Variants in CA10 observed in about 807,000 individuals in gnomAD.
CA10 encodes carbonic anhydrase 10 (inactive), also known as carbonic anhydrase-related protein 10.
CA10 carries 14 observed loss-of-function variants against 44.2 expected under a neutral mutation model. The observed-to-expected ratio is 0.32, with a 90% CI of 0.21 to 0.50. The LOEUF (loss-of-function observed/expected upper bound fraction) is 0.50, where lower values mean the gene tolerates loss of function less well. Ranked by LOEUF, CA10 falls within the 20% of genes least tolerant of loss-of-function variation. CA10 has a pLI of 0.99. For synonymous variants in CA10, 159 were observed against 141.6 expected, an observed-to-expected ratio of 1.12 and a Z score of -0.87; for missense variants, 350 against 409.7, an observed-to-expected ratio of 0.85 and a Z score of 1.26.
intron 2 of CA10, among the ~76,000 whole-genome samples, chr17:51,998,816 G>A (rs1200260452): frequency 6.6e-6 from 1 of 151,894 alleles, no homozygotes; most frequent in Non-Finnish European, 1.5e-5. Context: ...GGGGTGTCAG[G>A]CAGGCCATCA....
intron 1 of CA10, among the ~76,000 whole-genome samples, chr17:52,089,223 CTGAG>C (rs1307920989): frequency 6.6e-6 from 1 of 152,124 alleles, no homozygotes; most frequent in Non-Finnish European, 1.5e-5. Flanking sequence ...TTGACCTTAA[CTGAG>C]TTTTTGTGTC....
chr17:52,134,928 A>G (rs1179660400), intron 1 of CA10: 3 of 518,884 alleles, frequency 5.8e-6, no homozygotes, highest in African/African-American at 5.8e-5. Flanking sequence ...CTGTGAATCC[A>G]CATCCTGAAC....
chr17:51,965,161 T>G (rs1184474016), intron 2 of CA10, among the ~76,000 whole-genome samples: 1 of 151,788 alleles, frequency 6.6e-6, no homozygotes, highest in East Asian at 1.9e-4. Flanking sequence ...AATGGATAAA[T>G]TCCTGGAAAT....
At chr17:51,963,967 G>T (rs1466201321) in intron 2 of CA10, among the ~76,000 whole-genome samples, 1 of 152,034 alleles carries the variant, frequency 6.6e-6, no homozygotes, top group African/African-American at 2.4e-5. Flanking sequence ...AAGGCATAGA[G>T]TTGCTAGTTG....
chr17:51,965,051 A>T (rs992878849), intron 2 of CA10, among the ~76,000 whole-genome samples: 8 of 151,952 alleles, frequency 5.3e-5, no homozygotes, highest in African/African-American at 1.9e-4. Flanking sequence ...ACAATCAGAA[A>T]CAACAAAAGT....
intron 4 of CA10, among the ~76,000 whole-genome samples, chr17:51,690,448 T>C (rs1915154817): frequency 1.3e-5 from 2 of 152,202 alleles, no homozygotes; most frequent in African/African-American, 4.8e-5. Context: ...AGATTCCATG[T>C]GTGATATGGT....
chr17:52,057,664 A>G (rs2143077453), intron 2 of CA10, among the ~76,000 whole-genome samples: 1 of 152,226 alleles, frequency 6.6e-6, no homozygotes, highest in South Asian at 2.1e-4. Context: ...AAAACTCAAC[A>G]GTAACTACAG....
Position 51,844,651 on chromosome 17 carries a change from C to T in CA10, c.279+86339G>A, listed in dbSNP as rs1038327095. On this transcript the variant is annotated intron_variant, in intron 3 of 8. Transcript: ENST00000451037. ...ACAACCTCACATGAGACTAGAAAGT[C>T]CCAGCATAACAGGTTTCTGGAATGG... Among the ~76,000 whole-genome samples, 3 of 152,148 alleles carry T rather than the reference C, an allele frequency of 2.0e-5. No individual in the cohort carries two copies. The East Asian group carries it at 5.8e-4, about 29-fold the overall frequency.
chr17:51,936,952 A>C (rs1982892071), intron 2 of CA10, among the ~76,000 whole-genome samples: 1 of 152,136 alleles, frequency 6.6e-6, no homozygotes, highest in South Asian at 2.1e-4. Flanking sequence ...TATTCTCTTC[A>C]AAATATGTGC....
chr17:52,153,163 T>C (rs1989738216), intron 1 of CA10, among the ~76,000 whole-genome samples: 1 of 152,160 alleles, frequency 6.6e-6, no homozygotes, highest in South Asian at 2.1e-4. Context: ...TGGGATTTCA[T>C]ACAACTCCAA....
chr17:51,665,759 A>T (rs1454359304), intron 4 of CA10, among the ~76,000 whole-genome samples: 5 of 152,262 alleles, frequency 3.3e-5, no homozygotes, highest in Non-Finnish European at 5.9e-5. Context: ...GGCTCAATCA[A>T]AATACGATAT....
At chr17:51,836,074 A>G (rs1470458245) in intron 3 of CA10, among the ~76,000 whole-genome samples, 1 of 152,226 alleles carries the variant, frequency 6.6e-6, no homozygotes, top group Non-Finnish European at 1.5e-5. Context: ...AATAGGATGT[A>G]ACAGATTTAT....
chr17:51,666,327 AC>A (rs1220934264), intron 4 of CA10, among the ~76,000 whole-genome samples: 17 of 152,170 alleles, frequency 1.1e-4, no homozygotes, highest in African/African-American at 4.1e-4. Context: ...GTAAGGACAG[AC>A]CACATTCATG....
intron 3 of CA10, among the ~76,000 whole-genome samples, chr17:51,749,935 C>G (rs987869441): frequency 2.0e-5 from 3 of 152,202 alleles, no homozygotes; most frequent in African/African-American, 7.2e-5. Context: ...CTTACCAATA[C>G]ATTTTTAAAC....
At chr17:51,639,845 T>C (rs755880341) in intron 6 of CA10, among the ~76,000 whole-genome samples, 5 of 152,176 alleles carry the variant, frequency 3.3e-5, no homozygotes, top group Non-Finnish European at 7.3e-5. Context: ...CCTCTGAGCC[T>C]CAGTTTCTAC....
intron 2 of CA10, among the ~76,000 whole-genome samples, chr17:51,975,235 A>G (rs1984421468): frequency 6.6e-6 from 1 of 152,238 alleles, no homozygotes; most frequent in South Asian, 2.1e-4. Flanking sequence ...CAGAACAAAT[A>G]GAAAGCAAAA....
chr17:52,148,345 T>C (rs1989632914), intron 1 of CA10, among the ~76,000 whole-genome samples: 1 of 152,212 alleles, frequency 6.6e-6, no homozygotes, highest in Admixed American at 6.5e-5. Context: ...AGAATGACAA[T>C]GTATCCACTG....
intron 4 of CA10, among the ~76,000 whole-genome samples, chr17:51,714,126 C>CACCA (rs1226406703): frequency 5.9e-5 from 9 of 152,252 alleles, no homozygotes; most frequent in African/African-American, 1.9e-4. Context: ...TAAGCACTGA[C>CACCA]ACCAGTTCCT....
At chr17:51,761,094 G>A (rs1356939958) in intron 3 of CA10, among the ~76,000 whole-genome samples, 1 of 152,210 alleles carries the variant, frequency 6.6e-6, no homozygotes, top group Admixed American at 6.5e-5. Flanking sequence ...TGCGAACACA[G>A]CTATATTAAG....
Sources: gnomAD v4.1 joint callset for allele counts (sites outside exome capture counted in the v4.1 genomes callset) on GRCh38, gnomAD v4.1.1 for gene constraint, MANE v1.5 for transcripts, NCBI Gene and HGNC (gene_info 2026-07-23, HGNC 2026-07-21) for gene names.